Variants in FDFT1 observed in about 807,000 individuals in gnomAD.
FDFT1 encodes farnesyl-diphosphate farnesyltransferase 1.
A neutral mutation model predicts 46.8 loss-of-function variants in FDFT1; 68 were observed. That is an observed-to-expected ratio of 1.45 (90% CI 1.19 to 1.78). The LOEUF (loss-of-function observed/expected upper bound fraction) is 1.78, where lower values mean the gene tolerates loss of function less well. Ranked by LOEUF, FDFT1 falls within the 40% of genes most tolerant of loss-of-function variation. The pLI, the probability that FDFT1 is intolerant of heterozygous loss-of-function variation, is 0.00. For synonymous variants in FDFT1, 351 were observed against 185.1 expected (o/e 1.90, Z -7.28); for missense variants, 928 against 524.4 (o/e 1.77, Z -7.52).
chr8:11,827,864 A>G (rs1427411805), intron 5 of FDFT1, among the ~76,000 whole-genome samples: 1 of 151,586 alleles, frequency 6.6e-6, no homozygotes, highest in African/African-American at 2.4e-5. Context: ...ACGTAGTGAG[A>G]CCTTATCTCT....
In FDFT1 at chr8:11,826,146, G is replaced by A. The variant is rs1260696740; in HGVS notation, c.633G>A (p.Leu211=). ...TERANSMGLF[L]QKTNIIRDYL... ...GTGCCAACTCTATGGGCCTGTTTTT[G>A]CAGAAAACAAACATCATCCGTGACT... Residue 211 remains leucine, a synonymous_variant, in exon 5 of 8, where the codon TTG becomes TTA. Coordinates refer to ENST00000220584, the MANE Select transcript of FDFT1 (RefSeq NM_004462.5). The A allele has an allele frequency of 1.2e-6, 2 of 1,604,690 alleles. No individual in the cohort carries two copies. The highest frequency in any genetic ancestry group is 2.2e-5 in the South Asian group (2 of 90,322).
chr8:11,824,630 G>C (rs976889876), intron 4 of FDFT1, among the ~76,000 whole-genome samples: 2 of 151,966 alleles, frequency 1.3e-5, no homozygotes, highest in African/African-American at 4.8e-5. Context: ...TGTTGGGCAA[G>C]TTAAATCGAC....
chr8:11,832,883 C>A (rs552831738), intron 7 of FDFT1, among the ~76,000 whole-genome samples: 1 of 152,166 alleles, frequency 6.6e-6, no homozygotes, highest in Non-Finnish European at 1.5e-5. Flanking sequence ...TACCTCTGTT[C>A]ATGGTTTTGT....
At chr8:11,834,196 C>A (rs893201455) in intron 7 of FDFT1, among the ~76,000 whole-genome samples, 1 of 152,226 alleles carries the variant, frequency 6.6e-6, no homozygotes, top group Non-Finnish European at 1.5e-5. Flanking sequence ...CCTCCTCATG[C>A]TTCTCCAGTG....
At chr8:11,804,770 C>G (rs1485040709) in intron 1 of FDFT1, among the ~76,000 whole-genome samples, 1 of 151,790 alleles carries the variant, frequency 6.6e-6, no homozygotes, top group African/African-American at 2.4e-5. Flanking sequence ...CTACGCCCGG[C>G]TGATTTTTTG....
rs1210789943 is a variant in FDFT1, at chr8:11,830,336, T to C, written c.795T>C (p.Asn265=). Residue 265 remains asparagine, a synonymous_variant, in exon 6 of 8, where the codon AAT becomes AAC. Coordinates refer to ENST00000220584, the MANE Select transcript of FDFT1 (RefSeq NM_004462.5). Reference sequence around the variant, plus strand: ...AGTGCCTGAATGAACTTATAACCAATGCACTGCACCACATCCCAGATGTCA... The same window carrying C: ...AGTGCCTGAATGAACTTATAACCAACGCACTGCACCACATCCCAGATGTCA... ...AVQCLNELIT[N]ALHHIPDVIT... is the part of the protein sequence containing the mutation. 3.1e-6 allele frequency: 5 copies of C among 1,613,454 alleles called. 1 individual carries two copies. The highest frequency in any genetic ancestry group is 3.4e-6 in the Non-Finnish European group (4 of 1,179,422).
At chr8:11,800,684 A>T (rs1348097673), upstream of FDFT1, among the ~76,000 whole-genome samples, 5 of 152,238 alleles carry the variant, frequency 3.3e-5, no homozygotes, top group Non-Finnish European at 1.5e-5. Context: ...AGCTAAGAAC[A>T]TGAAGTACAT....
At chr8:11,800,853 A>T (rs1370761790), upstream of FDFT1, among the ~76,000 whole-genome samples, 5 of 152,198 alleles carry the variant, frequency 3.3e-5, no homozygotes, top group Admixed American at 6.5e-5. Context: ...TCATGGCTGG[A>T]AACTAAGTTT....
At chr8:11,808,672 G>T in intron 1 of FDFT1, 122 bp from the exon 2 acceptor site, 4 of 1,477,976 alleles carry the variant, frequency 2.7e-6, no homozygotes, top group South Asian at 1.3e-5. Context: ...GACTGGCCTC[G>T]GGGAGAGGGC....
chr8:11,818,307 C>A (rs192767197), intron 3 of FDFT1, among the ~76,000 whole-genome samples: 1 of 152,196 alleles, frequency 6.6e-6, no homozygotes, highest in African/African-American at 2.4e-5. Flanking sequence ...AGAATAAGTG[C>A]GATGTGGTGC....
At chr8:11,823,766 C>G (rs1273607118) in intron 4 of FDFT1, among the ~76,000 whole-genome samples, 1 of 152,032 alleles carries the variant, frequency 6.6e-6, no homozygotes, top group Non-Finnish European at 1.5e-5. Flanking sequence ...ATTTTTGAGA[C>G]AGGGTATTGC....
intron 4 of FDFT1, among the ~76,000 whole-genome samples, chr8:11,822,880 A>T (rs937588707): frequency 6.6e-6 from 1 of 152,176 alleles, no homozygotes; most frequent in African/African-American, 2.4e-5. Flanking sequence ...ATAGTAACTC[A>T]TTTTCTGTTG....
chr8:11,832,258 A>C (rs1404139573), intron 7 of FDFT1, among the ~76,000 whole-genome samples: 1 of 150,532 alleles, frequency 6.6e-6, no homozygotes, highest in African/African-American at 2.5e-5. Context: ...GACTAGGTTC[A>C]AAAAGTTTAT....
chr8:11,808,760 G>T, intron 1 of FDFT1, 34 bp from the exon 2 acceptor site: 1 of 1,585,120 alleles, frequency 6.3e-7, no homozygotes, highest in Non-Finnish European at 8.6e-7. Context: ...GCTCCTCGAC[G>T]TCTCCCACCG....
chr8:11,838,344 G>A (rs1811825079), intron 7 of FDFT1, 44 bp from the exon 8 acceptor site: 2 of 1,479,234 alleles, frequency 1.4e-6, no homozygotes, highest in Non-Finnish European at 1.9e-6. Flanking sequence ...CATGGAAAAT[G>A]TAAAGCACAT....
chr8:11,806,922 T>G lies in FDFT1; in HGVS notation c.100-1872T>G, dbSNP rs926427647. On this transcript the variant is annotated intron_variant, in intron 1 of 7. Transcript: ENST00000220584. ...TTATGGTGCCCAGTAAATACTTGTT[T>G]TTACTAATATTTTTTATGGCAATAA... Among the ~76,000 whole-genome samples the G allele has an allele frequency of 2.6e-5, 4 of 152,216 alleles. No individual in the cohort carries two copies. In the East Asian group the frequency reaches 7.7e-4, roughly 29 times the overall value.
upstream of FDFT1, among the ~76,000 whole-genome samples, chr8:11,798,518 A>T (rs2130625075): frequency 6.6e-6 from 1 of 152,318 alleles, no homozygotes; most frequent in Admixed American, 6.5e-5. Context: ...ACTCCACAGG[A>T]CTTGATGAAT....
intron 1 of FDFT1, chr8:11,808,427 G>A (rs2130713026): frequency 3.2e-6 from 4 of 1,261,276 alleles, no homozygotes; most frequent in Non-Finnish European, 4.0e-6. Flanking sequence ...GCGTATTCGA[G>A]TAGAGGGCGA....
chr8:11,803,216 G>C, intron 1 of FDFT1: 4 of 1,408,094 alleles, frequency 2.8e-6, no homozygotes, highest in Non-Finnish European at 1.9e-6. Context: ...GTGAGCATCG[G>C]CGCTTACCGG....
Sources: allele counts gnomAD v4.1 joint callset (sites outside exome capture counted in the v4.1 genomes callset), GRCh38; gene constraint gnomAD v4.1.1; transcripts MANE v1.5; gene names NCBI Gene and HGNC (gene_info 2026-07-23, HGNC 2026-07-21).